Variants in PPP4R3A observed in about 807,000 individuals in gnomAD.
The protein encoded by PPP4R3A is serine/threonine-protein phosphatase 4 regulatory subunit 3A.
Under a neutral mutation model 91.7 loss-of-function variants are expected in PPP4R3A, and 15 were observed. The observed-to-expected ratio is 0.16, with a 90% CI of 0.11 to 0.25. The LOEUF is 0.25. Among genes scored for constraint, PPP4R3A ranks in the 10% least tolerant of loss-of-function variants. The pLI is 1.00. For synonymous variants in PPP4R3A, 377 were observed against 348.7 expected, an observed-to-expected ratio of 1.08 and a Z score of -0.91; for missense variants, 623 against 998.4, an observed-to-expected ratio of 0.62 and a Z score of 5.07.
At chr14:91,486,571 C>T (rs138098272) in intron 2 of PPP4R3A, among the ~76,000 whole-genome samples, 48 of 152,238 alleles carry the variant, frequency 3.2e-4, no homozygotes, top group Non-Finnish European at 4.4e-4. Flanking sequence ...TTACTGAGAC[C>T]ATTTTATATT....
chr14:91,478,506 T>C (rs1889345148), intron 4 of PPP4R3A, among the ~76,000 whole-genome samples: 1 of 152,234 alleles, frequency 6.6e-6, no homozygotes, highest in Non-Finnish European at 1.5e-5. Context: ...TGGATAGAAG[T>C]GTCCAGCATC....
At position 91,461,484 on chromosome 14, in the gene PPP4R3A, G is replaced by C. The variant is rs750993627; in HGVS notation, c.2288C>G (p.Thr763Arg). 7 of 1,614,078 alleles carry C rather than the reference G, an allele frequency of 4.3e-6. No individual in the cohort carries two copies. The highest frequency in any genetic ancestry group is 1.7e-6 in the Non-Finnish European group (2 of 1,180,050). ...KTNLTSQSST[T>R]NLPGSPGSPG... The stretch of plus-strand genomic sequence containing the variant: ...TGATCCCGGAGAACCAGGCAGATTT[G>C]TTGTAGATGACTGGCTGGTGAGGTT... Residue 763 changes from threonine to arginine, a missense_variant, in exon 14 of 15, where the codon ACA becomes AGA. Thr to Arg is a moderately conservative substitution (Grantham distance 71). This residue lies in a region of PPP4R3A where 201 missense variants were observed against 229.9 expected (regional missense o/e 0.87). Coordinates refer to ENST00000554943, the MANE Select transcript of PPP4R3A (RefSeq NM_001366432.2).
In PPP4R3A at chr14:91,487,938, C is replaced by T. The variant is rs186882334; in HGVS notation, c.199-2208G>A. 1.2e-4 allele frequency among the ~76,000 whole-genome samples: 19 copies of T among 152,320 alleles called. No individual in the cohort carries two copies. The East Asian group carries it at 3.5e-3, about 28-fold the overall frequency. On this transcript the variant is annotated intron_variant, in intron 2 of 14. Coordinates refer to ENST00000554943, the MANE Select transcript of PPP4R3A (RefSeq NM_001366432.2). The stretch of plus-strand genomic sequence containing the variant: ...ATGTTGCCCAGGCTGGTCTCAAACT[C>T]CTGGGCTCTAGAAGTGCTAGAATTA...
chr14:91,460,713 C>G (rs1342888169), intron 14 of PPP4R3A, among the ~76,000 whole-genome samples: 1 of 149,062 alleles, frequency 6.7e-6, no homozygotes, highest in Non-Finnish European at 1.5e-5. Flanking sequence ...CTCCGCCTCC[C>G]AGGTTCATGC....
intron 4 of PPP4R3A, among the ~76,000 whole-genome samples, chr14:91,477,214 T>C (rs1889268410): frequency 1.3e-5 from 2 of 152,124 alleles, no homozygotes; most frequent in Non-Finnish European, 2.9e-5. Flanking sequence ...AGTAAATATT[T>C]TGAGCTTTGC....
At chr14:91,478,647 C>T (rs1889353672) in intron 4 of PPP4R3A, among the ~76,000 whole-genome samples, 1 of 152,134 alleles carries the variant, frequency 6.6e-6, no homozygotes, top group Non-Finnish European at 1.5e-5. Context: ...ACCAAGAAAA[C>T]ACAGAAGTGA....
At position 91,462,657 on chromosome 14, in the gene PPP4R3A, A is replaced by G. The variant is rs1595048057; in HGVS notation, c.1973+78T>C. 2.0e-6 allele frequency: 3 copies of G among 1,525,522 alleles called. No individual in the cohort carries two copies. In the East Asian group the frequency reaches 6.8e-5, roughly 34 times the overall value. 94.5% of individuals were successfully genotyped at this position (1,525,522 alleles called of 1,614,324 possible). A position where few individuals can be genotyped will look rare whatever the true frequency, so the allele number is the denominator to read the frequency against. The stretch of plus-strand genomic sequence containing the variant: ...ATTTCCCTGTTCCTTGTCAAGCCAA[A>G]TAATATCAAATAAACAATAAAGCCA... On this transcript the variant is annotated intron_variant, in intron 12 of 14. Transcript: ENST00000554943.
chr14:91,470,748 G>T, intron 10 of PPP4R3A, 89 bp downstream of exon 10: 1 of 1,444,056 alleles, frequency 6.9e-7, no homozygotes. Flanking sequence ...CTCCTGACCT[G>T]TAATCAGTGG....
intron 9 of PPP4R3A, among the ~76,000 whole-genome samples, chr14:91,471,356 T>C (rs982454414): frequency 9.2e-5 from 14 of 152,178 alleles, no homozygotes; most frequent in African/African-American, 2.7e-4. Flanking sequence ...CCAACAGATA[T>C]AGCATATGAG....
In PPP4R3A at chr14:91,458,757, T is replaced by G. The variant is rs1454396093; in HGVS notation, c.*2A>C. ...GGTACTGATCCTAGGCCGTTGCCAT[T>G]ATTATGAATCAAATTTTGCTTTCTT... On this transcript the variant is annotated 3_prime_UTR_variant, in exon 15 of 15. Transcript: ENST00000554943. The G allele has an allele frequency of 6.2e-7, 1 of 1,614,004 alleles. No homozygotes were observed. The highest frequency in any genetic ancestry group is 8.5e-7 in the Non-Finnish European group (1 of 1,180,012).
rs746309488 is a variant in PPP4R3A, at chr14:91,470,998, A to G, written c.1502-3T>C. 3.2e-6 allele frequency: 5 copies of G among 1,577,392 alleles called. No homozygotes were observed. The highest frequency in any genetic ancestry group is 4.3e-6 in the Non-Finnish European group (5 of 1,169,574). ...TAGTTGGGCAGTCTGAAAATCATCT[A>G]AAAGAAACAAAACACAACTAATTAT... On this transcript the variant is annotated splice_polypyrimidine_tract_variant and splice_region_variant and intron_variant, in intron 9 of 14. Transcript: ENST00000554943.
intron 5 of PPP4R3A, 92 bp downstream of exon 5, chr14:91,476,817 G>T: frequency 1.9e-6 from 2 of 1,058,358 alleles, no homozygotes; most frequent in Non-Finnish European, 2.8e-6. Flanking sequence ...CACCCACCTC[G>T]GCCTCCCAAA....
intron 1 of PPP4R3A, 128 bp downstream of exon 1, chr14:91,509,378 C>G: frequency 1.5e-6 from 2 of 1,370,666 alleles, no homozygotes; most frequent in Non-Finnish European, 2.0e-6. Context: ...CCGTCCTCCC[C>G]CGAGGTGGCC....
At chr14:91,485,271 G>A (rs898674632) in intron 3 of PPP4R3A, among the ~76,000 whole-genome samples, 31 of 152,214 alleles carry the variant, frequency 2.0e-4, no homozygotes, top group African/African-American at 7.5e-4. Context: ...ATGATGGAAG[G>A]ATAAACAAGA....
chr14:91,504,344 AAAG>A (rs1891150652), intron 1 of PPP4R3A, among the ~76,000 whole-genome samples: 2 of 150,910 alleles, frequency 1.3e-5, no homozygotes, highest in Non-Finnish European at 3.0e-5. Context: ...AAAAAAAAGA[AAAG>A]AAAAGAAAAG....
intron 1 of PPP4R3A, among the ~76,000 whole-genome samples, chr14:91,504,915 T>C (rs553694761): frequency 1.3e-5 from 2 of 152,306 alleles, no homozygotes; most frequent in African/African-American, 4.8e-5. Flanking sequence ...ACAGTTGAGA[T>C]AGCATTATTA....
At chr14:91,476,323 TAATAG>T (rs1889203415) in intron 6 of PPP4R3A, 80 bp downstream of exon 6, 6 of 1,009,122 alleles carry the variant, frequency 5.9e-6, no homozygotes, top group Middle Eastern at 2.9e-4. Flanking sequence ...ATATTGGCTA[TAATAG>T]AATATTTGCA....
rs545642704 is a variant in PPP4R3A, at chr14:91,487,055, T to C, written c.199-1325A>G. ...TGAGGTCAGGAGTTCAAGACCAGCCTGGCCAACAGGTAAAGCCCCGTCTCT... is the reference window on the plus strand; with the variant it reads ...TGAGGTCAGGAGTTCAAGACCAGCCCGGCCAACAGGTAAAGCCCCGTCTCT... On this transcript the variant is annotated intron_variant, in intron 2 of 14. Transcript: ENST00000554943. Among the ~76,000 whole-genome samples the C allele has an allele frequency of 1.9e-3, 290 of 151,968 alleles. 1 individual carries two copies. The highest frequency in any genetic ancestry group is 2.7e-3 in the Non-Finnish European group (183 of 67,964).
chr14:91,460,257 C>T (rs1743377747), intron 14 of PPP4R3A, among the ~76,000 whole-genome samples: 3 of 152,116 alleles, frequency 2.0e-5, no homozygotes, highest in Admixed American at 2.0e-4. Context: ...TCGTGACCCA[C>T]CCCCCTGGAC....
Sources: allele counts gnomAD v4.1 joint callset (sites outside exome capture counted in the v4.1 genomes callset), GRCh38; gene constraint gnomAD v4.1.1; regional missense constraint gnomAD v4.1.1; transcripts MANE v1.5; gene names NCBI Gene and HGNC (gene_info 2026-07-23, HGNC 2026-07-21).